SGMS1: variants seen among roughly 807,000 people sequenced by gnomAD.
SGMS1 encodes sphingomyelin synthase 1.
In SGMS1, 13 loss-of-function variants were observed where a neutral mutation model predicts 46.2. That is an observed-to-expected ratio of 0.28 (90% CI 0.18 to 0.45). The LOEUF (loss-of-function observed/expected upper bound fraction) is 0.45. Ranked by LOEUF, SGMS1 falls within the 20% of genes least tolerant of loss-of-function variation. SGMS1 has a pLI of 1.00. For synonymous variants in SGMS1, 203 were observed against 187.8 expected, an observed-to-expected ratio of 1.08 and a Z score of -0.66; for missense variants, 324 against 519.9, an observed-to-expected ratio of 0.62 and a Z score of 3.66.
intron 2 of SGMS1, among the ~76,000 whole-genome samples, chr10:50,587,633 A>ATATGTGTGTGTGTGTGTGTGTG (rs760688384): frequency 6.5e-5 from 9 of 138,172 alleles, no homozygotes; most frequent in Non-Finnish European, 1.1e-4. Flanking sequence ...CAAAATATAT[A>ATATGTGTGTGTGTGTGTGTGTG]TGTGTGTGTG....
In SGMS1 at chr10:50,400,830, G is replaced by T. The variant is rs138790552; in HGVS notation, c.-232+32646C>A. Among the ~76,000 whole-genome samples the T allele has an allele frequency of 9.8e-4, 149 of 152,210 alleles. 1 individual carries two copies. Among genetic ancestry groups the T allele is most frequent in the African/African-American group, 3.6e-3 (148 of 41,522 alleles). The stretch of plus-strand genomic sequence containing the variant: ...GGCAATAATGAAAGTCTGGACAGTT[G>T]TCAGATCCTGTCTTATGGCCAATAC... On this transcript the variant is annotated intron_variant, in intron 6 of 10. Coordinates refer to ENST00000361781, the MANE Select transcript of SGMS1 (RefSeq NM_147156.4).
At chr10:50,494,802 C>G (rs963034463) in intron 3 of SGMS1, among the ~76,000 whole-genome samples, 2 of 151,894 alleles carry the variant, frequency 1.3e-5, no homozygotes, top group Non-Finnish European at 2.9e-5. Flanking sequence ...TTTGGGAGGC[C>G]GAGGCGGGCG....
At chr10:50,524,287 C>T (rs958836736) in intron 2 of SGMS1, among the ~76,000 whole-genome samples, 2 of 152,304 alleles carry the variant, frequency 1.3e-5, no homozygotes, top group South Asian at 4.1e-4. Context: ...GGTACAAATT[C>T]TTCTGTGCAA....
chr10:50,312,547 T>A (rs1217074592), intron 8 of SGMS1, among the ~76,000 whole-genome samples: 1 of 152,030 alleles, frequency 6.6e-6, no homozygotes, highest in Non-Finnish European at 1.5e-5. Context: ...TGAAGGATCA[T>A]TAGAATAAGA....
At chr10:50,359,862 AAC>A (rs2133410932) in intron 6 of SGMS1, among the ~76,000 whole-genome samples, 1 of 152,294 alleles carries the variant, frequency 6.6e-6, no homozygotes, top group East Asian at 1.9e-4. Context: ...TACTTTTGTA[AAC>A]ACATATTACA....
At chr10:50,586,231 C>T (rs556226393) in intron 2 of SGMS1, among the ~76,000 whole-genome samples, 120 of 152,148 alleles carry the variant, frequency 7.9e-4, no homozygotes, top group Non-Finnish European at 1.4e-3. Context: ...GGTGGACTTG[C>T]TAAATTGAGC....
At chr10:50,592,085 T>C (rs1296250770) in intron 1 of SGMS1, among the ~76,000 whole-genome samples, 2 of 152,168 alleles carry the variant, frequency 1.3e-5, no homozygotes, top group East Asian at 3.8e-4. Flanking sequence ...CACAAGGATG[T>C]TGGGATCCAC....
intron 2 of SGMS1, among the ~76,000 whole-genome samples, chr10:50,541,111 T>C (rs1389409705): frequency 6.6e-6 from 1 of 152,138 alleles, no homozygotes; most frequent in African/African-American, 2.4e-5. Context: ...TTGGAGACCT[T>C]GGGAAAGGAC....
In SGMS1 at chr10:50,307,452, C is replaced by G; in HGVS notation, c.1063-131G>C. On this transcript the variant is annotated intron_variant, in intron 10 of 10. Transcript: ENST00000361781. The surrounding 1 kb of genome is among the most constrained non-coding windows in gnomAD (Gnocchi z 4.2). ...TCCACCCACATATCCCAGCTTCTCTCTCTCATCACCATTCTACACTCCACA... is the reference window on the plus strand; with the variant it reads ...TCCACCCACATATCCCAGCTTCTCTGTCTCATCACCATTCTACACTCCACA... 2.9e-6 allele frequency: 2 copies of G among 694,810 alleles called. No individual in the cohort carries two copies. Among genetic ancestry groups the G allele is most frequent in the Non-Finnish European group, 4.8e-6 (2 of 420,636 alleles). The allele number at this position is 694,810 out of a possible 1,614,324, so 43.0% of individuals were successfully genotyped here. A position where few individuals can be genotyped will look rare whatever the true frequency, so the allele number is the denominator to read the frequency against.
At chr10:50,484,702 C>T (rs1158130695) in intron 3 of SGMS1, among the ~76,000 whole-genome samples, 2 of 152,142 alleles carry the variant, frequency 1.3e-5, no homozygotes, top group African/African-American at 2.4e-5. Flanking sequence ...CCACCATGAT[C>T]GAGCTGGCTT....
chr10:50,551,820 T>C (rs1838151024), intron 2 of SGMS1, among the ~76,000 whole-genome samples: 1 of 152,190 alleles, frequency 6.6e-6, no homozygotes, highest in Non-Finnish European at 1.5e-5. Context: ...CTGTTCATTG[T>C]ATTCTCCGAT....
intron 5 of SGMS1, among the ~76,000 whole-genome samples, chr10:50,458,639 A>G (rs1055972602): frequency 6.6e-6 from 1 of 152,162 alleles, no homozygotes; most frequent in East Asian, 1.9e-4. Context: ...GATTGCAGGC[A>G]TGAGCCACCG....
At chr10:50,415,441 T>G (rs1849157231) in intron 6 of SGMS1, among the ~76,000 whole-genome samples, 1 of 152,212 alleles carries the variant, frequency 6.6e-6, no homozygotes, top group African/African-American at 2.4e-5. Context: ...TTTCCAAGAT[T>G]ACTCCCAAGT....
At chr10:50,313,986 T>G (rs1439028118) in intron 8 of SGMS1, among the ~76,000 whole-genome samples, 1 of 152,052 alleles carries the variant, frequency 6.6e-6, no homozygotes, top group Non-Finnish European at 1.5e-5. Context: ...AAGAAAAATT[T>G]AAATTATGTT....
At chr10:50,624,533 A>C (rs1838897185), upstream of SGMS1, 1 of 946,400 alleles carries the variant, frequency 1.1e-6, no homozygotes, top group Non-Finnish European at 1.3e-6. Flanking sequence ...AGCGCGACGG[A>C]GGCGCAAGAG....
chr10:50,618,034 A>G (rs1247627096), intron 1 of SGMS1, among the ~76,000 whole-genome samples: 1 of 152,096 alleles, frequency 6.6e-6, no homozygotes, highest in Non-Finnish European at 1.5e-5. Context: ...AACTCTTAAT[A>G]AAGTTGAAAA....
chr10:50,495,766 TA>T (rs35489210), intron 3 of SGMS1, among the ~76,000 whole-genome samples: 26 of 147,392 alleles, frequency 1.8e-4, no homozygotes, highest in East Asian at 4.0e-4. Flanking sequence ...CCAAGAATTA[TA>T]AAAAAAAAAA....
At chr10:50,316,126 C>T (rs1457737573) in intron 8 of SGMS1, among the ~76,000 whole-genome samples, 1 of 152,184 alleles carries the variant, frequency 6.6e-6, no homozygotes, top group African/African-American at 2.4e-5. Context: ...CTTTTTCTAA[C>T]TACATTTGCA....
At chr10:50,437,772 C>T (rs1849493916) in intron 5 of SGMS1, among the ~76,000 whole-genome samples, 1 of 152,170 alleles carries the variant, frequency 6.6e-6, no homozygotes, top group Admixed American at 6.5e-5. Flanking sequence ...TAATTCAGTG[C>T]TTGCTTAAAG....
Sources: gnomAD v4.1 joint callset for allele counts (sites outside exome capture counted in the v4.1 genomes callset) on GRCh38, gnomAD v4.1.1 for gene constraint, Gnocchi (gnomAD v3.1) non-coding constraint, MANE v1.5 for transcripts, NCBI Gene and HGNC (gene_info 2026-07-23, HGNC 2026-07-21) for gene names.